The following SAMD5 variants were observed in gnomAD, a reference collection of about 807,000 sequenced individuals.
SAMD5 encodes sterile alpha motif domain containing 5.
Under a neutral mutation model 11.3 loss-of-function variants are expected in SAMD5, and 13 were observed. The observed-to-expected ratio is 1.15, with a 90% CI of 0.75 to 1.83. The LOEUF (loss-of-function observed/expected upper bound fraction) is 1.83. Among genes scored for constraint, SAMD5 ranks in the 40% most tolerant of loss-of-function variants. The pLI, the probability that SAMD5 is intolerant of heterozygous loss-of-function variation, is 0.00. For missense variants in SAMD5, 255 were observed against 239.1 expected (o/e 1.07, Z -0.44); for synonymous variants, 129 against 111.3 (o/e 1.16, Z -1.00).
intron 1 of SAMD5, among the ~76,000 whole-genome samples, chr6:147,718,459 G>A (rs1791498103): frequency 6.6e-6 from 1 of 152,174 alleles, no homozygotes. Flanking sequence ...TGTGTCCTTA[G>A]CAGAATGAGT....
the SAMD5 span, among the ~76,000 whole-genome samples, chr6:147,801,044 C>A: frequency 6.6e-6 from 1 of 151,990 alleles, no homozygotes; most frequent in Non-Finnish European, 1.5e-5. Context: ...ATTGAGAAGA[C>A]ATTACTGGTT....
At chr6:147,900,256 C>T in the SAMD5 span, among the ~76,000 whole-genome samples, 2 of 152,132 alleles carry the variant, frequency 1.3e-5, no homozygotes, top group Admixed American at 6.5e-5. Flanking sequence ...CACGTCGCTT[C>T]CATACACCAA....
chr6:147,900,451 C>A, the SAMD5 span, among the ~76,000 whole-genome samples: 1 of 152,164 alleles, frequency 6.6e-6, no homozygotes, highest in South Asian at 2.1e-4. Context: ...ACAGGTCATT[C>A]GTATAATGAG....
the SAMD5 span, among the ~76,000 whole-genome samples, chr6:147,789,159 G>A: frequency 2.6e-5 from 4 of 151,236 alleles, no homozygotes; most frequent in African/African-American, 9.7e-5. Context: ...CCAGCACTTT[G>A]GGAGCCTGAG....
the SAMD5 span, among the ~76,000 whole-genome samples, chr6:147,902,940 T>A: frequency 1.3e-5 from 2 of 152,214 alleles, no homozygotes; most frequent in Non-Finnish European, 2.9e-5. Context: ...AAAATAAGTG[T>A]TTAATAAATA....
chr6:147,527,985 G>A (rs62434708), intron 1 of SAMD5, among the ~76,000 whole-genome samples: 19,551 of 151,960 alleles, frequency 0.13, 1,618 homozygotes, highest in Non-Finnish European at 0.18. Context: ...AAGAGAGCGC[G>A]TACGGGGAGG....
chr6:147,566,629 GTTTAAACC>G lies in SAMD5; in HGVS notation c.*2176_*2183del. 1 of 980,268 alleles carries G rather than the reference GTTTAAACC, an allele frequency of 1.0e-6. No individual in the cohort carries two copies. The highest frequency in any genetic ancestry group is 1.2e-6 in the Non-Finnish European group (1 of 824,950). 60.7% of individuals were successfully genotyped at this position (980,268 alleles called of 1,614,324 possible). Reference sequence around the variant, plus strand: ...TATCTAACTTCAATTATTTTGCCAGGTTTAAACCTTCTCTCTGTGTCTGTGGTTAGAAT... The same window carrying G: ...TATCTAACTTCAATTATTTTGCCAGGTTCTCTCTGTGTCTGTGGTTAGAAT... On this transcript the variant is annotated 3_prime_UTR_variant, in exon 2 of 2. Coordinates refer to ENST00000367474, the MANE Select transcript of SAMD5 (RefSeq NM_001030060.3).
the SAMD5 span, among the ~76,000 whole-genome samples, chr6:147,891,599 C>G: frequency 5.3e-5 from 8 of 151,960 alleles, no homozygotes; most frequent in South Asian, 2.1e-4. Context: ...AAGGCAGAGG[C>G]TTTCACATTT....
At chr6:147,917,203 T>G in the SAMD5 span, among the ~76,000 whole-genome samples, 2 of 120,522 alleles carry the variant, frequency 1.7e-5, no homozygotes, top group Non-Finnish European at 3.4e-5. Flanking sequence ...TTTTTCCACA[T>G]CCTCTCCAGC....
intron 1 of SAMD5, among the ~76,000 whole-genome samples, chr6:147,703,059 T>A (rs561701315): frequency 6.6e-6 from 1 of 152,156 alleles, no homozygotes; most frequent in South Asian, 2.1e-4. Context: ...CCCTTATACT[T>A]CGTTTTTTTG....
chr6:147,671,787 T>G (rs1790798720), intron 1 of SAMD5, among the ~76,000 whole-genome samples: 1 of 152,158 alleles, frequency 6.6e-6, no homozygotes, highest in South Asian at 2.1e-4. Flanking sequence ...ATTTATCTTC[T>G]TGTTCATTAT....
At chr6:147,641,244 T>A (rs565845077) in intron 1 of SAMD5, among the ~76,000 whole-genome samples, 1 of 152,154 alleles carries the variant, frequency 6.6e-6, no homozygotes, top group African/African-American at 2.4e-5. Flanking sequence ...ATTGGAAGAT[T>A]TCCTCCAAGA....
At chr6:147,706,032 T>C (rs1791320745) in intron 1 of SAMD5, among the ~76,000 whole-genome samples, 1 of 152,178 alleles carries the variant, frequency 6.6e-6, no homozygotes, top group African/African-American at 2.4e-5. Context: ...TAATTATGTA[T>C]CATATTCCTT....
chr6:147,738,173 T>C (rs1791832714), downstream of SAMD5, among the ~76,000 whole-genome samples: 1 of 152,146 alleles, frequency 6.6e-6, no homozygotes, highest in African/African-American at 2.4e-5. Flanking sequence ...GAAGGGGTTT[T>C]GGCAGGAAAA....
chr6:147,943,711 T>C, the SAMD5 span, among the ~76,000 whole-genome samples: 33 of 152,202 alleles, frequency 2.2e-4, no homozygotes, highest in South Asian at 6.9e-3. Context: ...TCTGCTATAT[T>C]CTTATCCTTC....
intron 1 of SAMD5, among the ~76,000 whole-genome samples, chr6:147,640,520 A>AAAAAAAAAC (rs1198347457): frequency 1.3e-5 from 2 of 149,838 alleles, no homozygotes; most frequent in Admixed American, 6.6e-5. Flanking sequence ...AAAAAAAAAA[A>AAAAAAAAAC]AAGAATAACA....
the SAMD5 span, among the ~76,000 whole-genome samples, chr6:147,798,653 A>C: frequency 2.0e-5 from 3 of 152,036 alleles, no homozygotes; most frequent in Admixed American, 6.6e-5. Flanking sequence ...GATCTGTCTA[A>C]TGTTGACAGT....
At chr6:147,950,498 C>T in the SAMD5 span, among the ~76,000 whole-genome samples, 56 of 152,288 alleles carry the variant, frequency 3.7e-4, no homozygotes, top group African/African-American at 1.3e-3. Context: ...GATACGTCCT[C>T]CTGAGGTCTA....
chr6:147,745,028 C>T, the SAMD5 span, among the ~76,000 whole-genome samples: 3 of 152,050 alleles, frequency 2.0e-5, no homozygotes, highest in South Asian at 2.1e-4. Context: ...GAAGTAGAGA[C>T]GTCAATTGTA....
Sources: allele counts gnomAD v4.1 joint callset (sites outside exome capture counted in the v4.1 genomes callset), GRCh38; gene constraint gnomAD v4.1.1; transcripts MANE v1.5; gene names NCBI Gene and HGNC (gene_info 2026-07-23, HGNC 2026-07-21).